KATNA1: variants seen among roughly 807,000 people sequenced by gnomAD.
KATNA1 encodes the protein katanin catalytic subunit A1.
A neutral mutation model predicts 62.6 loss-of-function variants in KATNA1; 42 were observed. The observed-to-expected ratio is 0.67, with a 90% confidence interval of 0.52 to 0.87. KATNA1 has a LOEUF of 0.87. Ranked by LOEUF, KATNA1 falls within the 40% of genes least tolerant of loss-of-function variation. KATNA1 has a pLI of 0.00. For synonymous variants in KATNA1, 186 were observed against 201.9 expected, an observed-to-expected ratio of 0.92 and a Z score of 0.67; for missense variants, 498 against 612.5, an observed-to-expected ratio of 0.81 and a Z score of 1.97.
chr6:149,626,292 CTTTTTTT>C (rs544379629), intron 3 of KATNA1, among the ~76,000 whole-genome samples: 2 of 88,748 alleles, frequency 2.3e-5, no homozygotes, highest in African/African-American at 1.1e-4. Context: ...ATAACATTTA[CTTTTTTT>C]TTTTTTTTTT....
chr6:149,632,022 A>T (rs1047990805), intron 3 of KATNA1, among the ~76,000 whole-genome samples: 2 of 152,174 alleles, frequency 1.3e-5, no homozygotes, highest in Non-Finnish European at 2.9e-5. Context: ...TTTTCATTAT[A>T]GCTTGATGAA....
intron 6 of KATNA1, among the ~76,000 whole-genome samples, chr6:149,602,941 G>A (rs1313961042): frequency 1.3e-5 from 2 of 151,660 alleles, no homozygotes; most frequent in Non-Finnish European, 2.9e-5. Flanking sequence ...GGCTGGTCTC[G>A]AACTCCTGAC....
chr6:149,641,735 A>T (rs1780299853), intron 1 of KATNA1, among the ~76,000 whole-genome samples: 1 of 152,192 alleles, frequency 6.6e-6, no homozygotes, highest in African/African-American at 2.4e-5. Context: ...AAGATCAGAA[A>T]ATCTATCACT....
At chr6:149,633,522 G>A (rs1779936237) in intron 2 of KATNA1, among the ~76,000 whole-genome samples, 1 of 151,968 alleles carries the variant, frequency 6.6e-6, no homozygotes, top group Admixed American at 6.6e-5. Context: ...CTTGAGCTCA[G>A]GAGTTTGAGA....
chr6:149,622,494 A>G (rs1779437745), intron 4 of KATNA1, among the ~76,000 whole-genome samples: 1 of 152,180 alleles, frequency 6.6e-6, no homozygotes, highest in Non-Finnish European at 1.5e-5. Context: ...CATAATATTA[A>G]TAATTGGTAA....
intron 10 of KATNA1, among the ~76,000 whole-genome samples, chr6:149,595,673 AC>A (rs946213856): frequency 3.9e-5 from 6 of 152,102 alleles, no homozygotes; most frequent in African/African-American, 1.4e-4. Flanking sequence ...AAAAAAAAAA[AC>A]AAAACTTCAG....
chr6:149,639,615 A>G (rs991407556), intron 1 of KATNA1, among the ~76,000 whole-genome samples: 23 of 151,024 alleles, frequency 1.5e-4, no homozygotes, highest in Non-Finnish European at 2.9e-4. Flanking sequence ...AAAAAAATAA[A>G]ATAAAATAAA....
chr6:149,641,772 G>A (rs1780300669), intron 1 of KATNA1, among the ~76,000 whole-genome samples: 1 of 152,152 alleles, frequency 6.6e-6, no homozygotes, highest in Admixed American at 6.6e-5. Context: ...ATGGACAAAA[G>A]TACCTCACAA....
At chr6:149,615,942 A>G (rs190646636) in intron 4 of KATNA1, among the ~76,000 whole-genome samples, 1 of 152,342 alleles carries the variant, frequency 6.6e-6, no homozygotes, top group East Asian at 1.9e-4. Flanking sequence ...CAGTAACCTA[A>G]AGATAGCAGG....
Position 149,604,901 on chromosome 6 carries a change from G to A in KATNA1, c.502-119C>T, listed in dbSNP as rs548974264. ...AAGCTAATACATCATTTGGCCAGGC[G>A]CAGTGGCTCACACCTGTAATCCCAG... is the stretch of plus-strand genomic sequence containing the variant. On this transcript the variant is annotated intron_variant, in intron 4 of 10. Transcript: ENST00000367411. 425 of 917,440 alleles carry A rather than the reference G, an allele frequency of 4.6e-4. 3 individuals are homozygous for A. The highest frequency in any genetic ancestry group is 1.7e-3 in the South Asian group (108 of 64,942). The allele number at this position is 917,440 out of a possible 1,614,324, so 56.8% of individuals were successfully genotyped here. A position where few individuals can be genotyped will look rare whatever the true frequency, so the allele number is the denominator to read the frequency against.
chr6:149,624,776 G>C (rs1779540192), intron 3 of KATNA1, among the ~76,000 whole-genome samples: 1 of 151,562 alleles, frequency 6.6e-6, no homozygotes, highest in South Asian at 2.1e-4. Flanking sequence ...ATTTACAAGG[G>C]GGAAAACAAA....
intron 1 of KATNA1, among the ~76,000 whole-genome samples, chr6:149,644,679 AGGT>A (rs1312664515): frequency 6.6e-6 from 1 of 152,188 alleles, no homozygotes; most frequent in East Asian, 1.9e-4. Context: ...ACTTATATAT[AGGT>A]GGTCCTCGTT....
intron 4 of KATNA1, among the ~76,000 whole-genome samples, chr6:149,619,818 A>T (rs891055161): frequency 1.3e-5 from 2 of 152,098 alleles, no homozygotes; most frequent in Non-Finnish European, 2.9e-5. Flanking sequence ...CAGAATCAGG[A>T]TTGCTAGATT....
At position 149,605,757 on chromosome 6, in the gene KATNA1, CTTTATTTA is replaced by C. The variant is rs367970953; in HGVS notation, c.502-983_502-976del. Among the ~76,000 whole-genome samples, 40 of 151,952 alleles carry C rather than the reference CTTTATTTA, an allele frequency of 2.6e-4. No individual in the cohort carries two copies. The East Asian group carries it at 5.4e-3, about 21-fold the overall frequency. On this transcript the variant is annotated intron_variant, in intron 4 of 10. Transcript: ENST00000367411. Reference sequence around the variant, plus strand: ...ACTGCTATACTCCTCTTCAATAATGCTTTATTTATTTATTTATTTATTTATTTTTGAGC... The same window carrying C: ...ACTGCTATACTCCTCTTCAATAATGCTTTATTTATTTATTTATTTTTGAGC...
At chr6:149,621,123 C>CT (rs1282414027) in intron 4 of KATNA1, among the ~76,000 whole-genome samples, 3,075 of 135,802 alleles carry the variant, frequency 0.023, 97 homozygotes, top group African/African-American at 0.063. Flanking sequence ...CCTATGCCTT[C>CT]TTTTTTTTTT....
chr6:149,648,151 C>A (rs1392061166), intron 1 of KATNA1, among the ~76,000 whole-genome samples: 1 of 152,096 alleles, frequency 6.6e-6, no homozygotes, highest in Non-Finnish European at 1.5e-5. Flanking sequence ...GGGGCGTGAG[C>A]GGGTTCTGGA....
At chr6:149,596,021 G>A (rs3777949) in intron 10 of KATNA1, among the ~76,000 whole-genome samples, 67,643 of 152,046 alleles carry the variant, frequency 0.44, 16,462 homozygotes, top group East Asian at 0.81. Context: ...ATATTTCACA[G>A]TCATTTCGTA....
rs115425995 is a variant in KATNA1, at chr6:149,644,047, G to A, written c.-14+4422C>T. Among the ~76,000 whole-genome samples, 242 of 151,942 alleles carry A rather than the reference G, an allele frequency of 1.6e-3. 1 individual carries two copies. Among genetic ancestry groups the A allele is most frequent in the African/African-American group, 5.5e-3 (228 of 41,436 alleles). Reference sequence around the variant, plus strand: ...TTGTCCAGTTCCTGACCCTCAGCATGGTCACATTCTTGATCCTCAGCTCAT... The same window carrying A: ...TTGTCCAGTTCCTGACCCTCAGCATAGTCACATTCTTGATCCTCAGCTCAT... On this transcript the variant is annotated intron_variant, in intron 1 of 10. Coordinates refer to ENST00000367411, the MANE Select transcript of KATNA1 (RefSeq NM_007044.4).
intron 9 of KATNA1, 72 bp from the exon 10 acceptor site, chr6:149,597,261 T>G (rs1778361045): frequency 2.0e-6 from 3 of 1,489,392 alleles, no homozygotes; most frequent in Non-Finnish European, 2.7e-6. Context: ...TCAAATCTTC[T>G]TTGTGTGAGA....
Sources: gnomAD v4.1 joint callset for allele counts (sites outside exome capture counted in the v4.1 genomes callset) on GRCh38, gnomAD v4.1.1 for gene constraint, MANE v1.5 for transcripts, NCBI Gene and HGNC (gene_info 2026-07-23, HGNC 2026-07-21) for gene names.